The following NMNAT2 variants were observed in gnomAD, a reference collection of about 807,000 sequenced individuals.
NMNAT2 encodes nicotinamide/nicotinic acid mononucleotide adenylyltransferase 2.
NMNAT2 carries 11 observed loss-of-function variants against 41.6 expected under a neutral mutation model. That is an observed-to-expected ratio of 0.26 (90% confidence interval 0.17 to 0.44). The LOEUF is 0.44. Ranked by LOEUF, NMNAT2 falls within the 20% of genes least tolerant of loss-of-function variation. The probability of loss-of-function intolerance (pLI) is 1.00; values close to 1 mark genes in which losing one functional copy is unlikely to be tolerated. For synonymous variants in NMNAT2, 148 were observed against 151.2 expected (o/e 0.98, Z 0.16); for missense variants, 288 against 407.7 (o/e 0.71, Z 2.53).
intron 8 of NMNAT2, among the ~76,000 whole-genome samples, chr1:183,269,643 T>C (rs1660929591): frequency 6.6e-6 from 1 of 152,260 alleles, no homozygotes; most frequent in African/African-American, 2.4e-5. Flanking sequence ...CTATGTGCCA[T>C]GCACAGTACT....
intron 1 of NMNAT2, among the ~76,000 whole-genome samples, chr1:183,299,795 C>T (rs1454296187): frequency 1.3e-5 from 2 of 152,144 alleles, no homozygotes; most frequent in Non-Finnish European, 2.9e-5. Context: ...AGTTCTATAG[C>T]TTACTTGTGT....
chr1:183,284,281 T>C (rs1401722146), intron 6 of NMNAT2, among the ~76,000 whole-genome samples: 1 of 152,230 alleles, frequency 6.6e-6, no homozygotes, highest in Admixed American at 6.5e-5. Context: ...TGAGACAGCC[T>C]GGCTGGGGAG....
intron 1 of NMNAT2, among the ~76,000 whole-genome samples, chr1:183,336,489 A>T (rs886645438): frequency 6.6e-6 from 1 of 152,178 alleles, no homozygotes; most frequent in Non-Finnish European, 1.5e-5. Context: ...TCTTCACCCA[A>T]TTTCCCCCAC....
chr1:183,300,025 A>G (rs10797872), intron 1 of NMNAT2, among the ~76,000 whole-genome samples: 94,677 of 151,960 alleles, frequency 0.62, 29,686 homozygotes, highest in Middle Eastern at 0.67. Context: ...GGTCATGAGG[A>G]TGGAACCCTC....
chr1:183,285,237 T>C (rs1488516593), intron 5 of NMNAT2, among the ~76,000 whole-genome samples: 1 of 152,220 alleles, frequency 6.6e-6, no homozygotes, highest in Non-Finnish European at 1.5e-5. Context: ...TTAAAGGGCA[T>C]ATAGGCTGCT....
chr1:183,337,635 T>C (rs1662704795), intron 1 of NMNAT2, among the ~76,000 whole-genome samples: 2 of 151,502 alleles, frequency 1.3e-5, no homozygotes, highest in South Asian at 2.1e-4. Context: ...TGCCATCAGT[T>C]TGTGGGCTTT....
intron 1 of NMNAT2, among the ~76,000 whole-genome samples, chr1:183,395,838 T>C (rs1303764264): frequency 1.3e-5 from 2 of 152,206 alleles, no homozygotes; most frequent in Non-Finnish European, 1.5e-5. Flanking sequence ...GAATTTCATA[T>C]TTGTATCTGT....
intron 1 of NMNAT2, among the ~76,000 whole-genome samples, chr1:183,325,933 T>C (rs1662453075): frequency 2.0e-5 from 3 of 152,188 alleles, no homozygotes. Context: ...ACATGGTCCC[T>C]GCCATGTCCC....
intron 8 of NMNAT2, among the ~76,000 whole-genome samples, chr1:183,273,823 T>TTCCCTCCCTCCCTCCC (rs1375969151): frequency 4.4e-5 from 2 of 44,994 alleles, no homozygotes; most frequent in African/African-American, 2.0e-4. Context: ...TTCCTTTCTT[T>TTCCCTCCCTCCCTCCC]TCCCTCCCTC....
intron 4 of NMNAT2, among the ~76,000 whole-genome samples, chr1:183,289,247 G>A (rs947271423): frequency 2.0e-5 from 3 of 152,188 alleles, no homozygotes; most frequent in East Asian, 1.9e-4. Context: ...TGCAGAGTCC[G>A]TGGAGGCGAG....
rs73050027 is a variant in NMNAT2, at chr1:183,376,665, A to T, written c.85+41518T>A. Among the ~76,000 whole-genome samples the T allele has an allele frequency of 7.0e-3, 1,066 of 152,286 alleles. 12 individuals are homozygous for T. Among genetic ancestry groups the T allele is most frequent in the African/African-American group, 0.025 (1,026 of 41,560 alleles). On this transcript the variant is annotated intron_variant, in intron 1 of 10. Transcript: ENST00000287713. ...TTTTTTATTTTAATTTTGCTGTCCC[A>T]TAAAATTCAAACCTGGAATTCACCA...
intron 1 of NMNAT2, among the ~76,000 whole-genome samples, chr1:183,311,348 A>T (rs1662114305): frequency 6.6e-6 from 1 of 152,174 alleles, no homozygotes; most frequent in Non-Finnish European, 1.5e-5. Flanking sequence ...CTGGTTCTTT[A>T]TGAAAAACTG....
At chr1:183,298,098 A>G (rs1278445821) in intron 1 of NMNAT2, among the ~76,000 whole-genome samples, 3 of 152,252 alleles carry the variant, frequency 2.0e-5, no homozygotes, top group Non-Finnish European at 4.4e-5. Context: ...CTAACATCAT[A>G]CTTAGTGGTG....
chr1:183,287,575 G>A (rs544189162), intron 4 of NMNAT2, among the ~76,000 whole-genome samples: 22 of 152,346 alleles, frequency 1.4e-4, no homozygotes, highest in African/African-American at 5.1e-4. Context: ...GAGCTGATAA[G>A]GCAGCATTCC....
At chr1:183,304,297 T>C (rs1234102257) in intron 1 of NMNAT2, among the ~76,000 whole-genome samples, 1 of 152,158 alleles carries the variant, frequency 6.6e-6, no homozygotes, top group African/African-American at 2.4e-5. Flanking sequence ...GAAAGAAAGA[T>C]GTAAGTAGAA....
intron 1 of NMNAT2, among the ~76,000 whole-genome samples, chr1:183,367,560 TTAAA>T (rs1663440269): frequency 6.6e-6 from 1 of 152,182 alleles, no homozygotes; most frequent in Admixed American, 6.5e-5. Flanking sequence ...ATTTGAAATC[TTAAA>T]TAATAGAAGC....
chr1:183,263,451 C>A (rs1166692054), intron 8 of NMNAT2, among the ~76,000 whole-genome samples: 1 of 152,220 alleles, frequency 6.6e-6, no homozygotes, highest in East Asian at 1.9e-4. Context: ...GGTTCTCAAA[C>A]TTGGCTGCAC....
chr1:183,308,285 G>A (rs1267544212), intron 1 of NMNAT2, among the ~76,000 whole-genome samples: 2 of 152,158 alleles, frequency 1.3e-5, no homozygotes, highest in Non-Finnish European at 2.9e-5. Flanking sequence ...TAAAGCAAAT[G>A]TTTTTAAAAT....
At chr1:183,279,602 C>T (rs1372638171) in intron 7 of NMNAT2, among the ~76,000 whole-genome samples, 10 of 152,180 alleles carry the variant, frequency 6.6e-5, no homozygotes, top group Non-Finnish European at 1.3e-4. Flanking sequence ...GCCCTGCCTG[C>T]CTTAGACCCT....
Sources: allele counts gnomAD v4.1 joint callset (sites outside exome capture counted in the v4.1 genomes callset), GRCh38; gene constraint gnomAD v4.1.1; transcripts MANE v1.5; gene names NCBI Gene and HGNC (gene_info 2026-07-23, HGNC 2026-07-21).